PKHD1: variants seen among roughly 807,000 people sequenced by gnomAD.
PKHD1 encodes PKHD1 ciliary IPT domain containing fibrocystin/polyductin.
Under a neutral mutation model 412.0 loss-of-function variants are expected in PKHD1, and 291 were observed. That is an observed-to-expected ratio of 0.71 (90% CI 0.64 to 0.78). The LOEUF is 0.78. Ranked by LOEUF, PKHD1 falls within the 30% of genes least tolerant of loss-of-function variation. PKHD1 has a pLI of 0.00. For synonymous variants in PKHD1, 1,777 were observed against 1,821.5 expected (o/e 0.98, Z 0.62); for missense variants, 4,825 against 4,950.7 (o/e 0.97, Z 0.76).
intron 55 of PKHD1, among the ~76,000 whole-genome samples, chr6:51,765,036 C>T (rs1276261552): frequency 6.6e-6 from 1 of 152,086 alleles, no homozygotes; most frequent in Non-Finnish European, 1.5e-5. Context: ...GGCATCTACT[C>T]TTGGTGTCTC....
rs1301549254 is a variant in PKHD1, at chr6:52,059,913, G to A, written c.1233+15C>T. On this transcript the variant is annotated intron_variant, in intron 15 of 66. Coordinates refer to ENST00000371117, the MANE Select transcript of PKHD1 (RefSeq NM_138694.4). Reference sequence around the variant, plus strand: ...CTGGCAACAGAGAAAAGGAAAATGAGAAGACAGTGAATACCTTAGTCCTTG... The same window carrying A: ...CTGGCAACAGAGAAAAGGAAAATGAAAAGACAGTGAATACCTTAGTCCTTG... 2.5e-6 allele frequency: 3 copies of A among 1,208,752 alleles called. No homozygotes were observed. Among genetic ancestry groups the A allele is most frequent in the Non-Finnish European group, 3.7e-6 (3 of 809,382 alleles). The allele number at this position is 1,208,752 out of a possible 1,614,324, so 74.9% of individuals were successfully genotyped here. A position where few individuals can be genotyped will look rare whatever the true frequency, so the allele number is the denominator to read the frequency against.
chr6:51,761,104 T>A (rs1357257144), intron 55 of PKHD1, among the ~76,000 whole-genome samples: 1 of 152,126 alleles, frequency 6.6e-6, no homozygotes, highest in Non-Finnish European at 1.5e-5. Flanking sequence ...GAAATCAGTA[T>A]GTCTGAGATA....
At chr6:51,935,832 T>C (rs923783083) in intron 36 of PKHD1, among the ~76,000 whole-genome samples, 2 of 152,234 alleles carry the variant, frequency 1.3e-5, no homozygotes, top group African/African-American at 4.8e-5. Context: ...TTATCAAAAA[T>C]ATCGGAAATA....
At chr6:51,689,511 A>G (rs1038680588) in intron 60 of PKHD1, among the ~76,000 whole-genome samples, 6 of 152,212 alleles carry the variant, frequency 3.9e-5, no homozygotes, top group African/African-American at 1.4e-4. Context: ...TAGGCAAGAG[A>G]AAGAAATAAA....
At chr6:51,651,559 T>C (rs1770977039) in intron 61 of PKHD1, among the ~76,000 whole-genome samples, 1 of 152,148 alleles carries the variant, frequency 6.6e-6, no homozygotes, top group Non-Finnish European at 1.5e-5. Context: ...TGTCTTCTTC[T>C]GATAGGTCAA....
intron 35 of PKHD1, among the ~76,000 whole-genome samples, chr6:51,972,275 A>C (rs1793781260): frequency 6.6e-6 from 1 of 152,236 alleles, no homozygotes. Context: ...TTGACTAAAT[A>C]ACTTTTTCCT....
At position 52,046,079 on chromosome 6, in the gene PKHD1, A is replaced by C. The variant is rs757397281; in HGVS notation, c.2517T>G (p.Asp839Glu). Reference protein sequence around the residue: ...LNASDFTVKEDLYTCYEHVWT... With the variant: ...LNASDFTVKEELYTCYEHVWT... The stretch of plus-strand genomic sequence containing the variant: ...ACACGTGTTCGTAGCAAGTGTATAG[A>C]TCCTCCTTCACAGTGAAGTCACTGG... Residue 839 changes from aspartate (D) to glutamate (E), a missense_variant, in exon 24 of 67, where the codon GAT becomes GAG. Coordinates refer to ENST00000371117, the MANE Select transcript of PKHD1 (RefSeq NM_138694.4). 1.2e-6 allele frequency: 2 copies of C among 1,613,756 alleles called. No homozygotes were observed. The highest frequency in any genetic ancestry group is 1.7e-6 in the Non-Finnish European group (2 of 1,179,686).
intron 52 of PKHD1, among the ~76,000 whole-genome samples, chr6:51,821,105 G>T (rs551667380): frequency 5.7e-4 from 87 of 152,236 alleles, no homozygotes; most frequent in Admixed American, 2.6e-3. Flanking sequence ...CCCTTCTTTT[G>T]TAAGAAAGGC....
intron 43 of PKHD1, among the ~76,000 whole-genome samples, chr6:51,893,824 C>T (rs918734728): frequency 1.1e-4 from 16 of 152,312 alleles, no homozygotes; most frequent in African/African-American, 3.8e-4. Flanking sequence ...AGCTTGAGAA[C>T]TGAGGTTGGG....
chr6:51,973,207 G>A (rs777954742), intron 35 of PKHD1, among the ~76,000 whole-genome samples: 1 of 152,148 alleles, frequency 6.6e-6, no homozygotes, highest in Non-Finnish European at 1.5e-5. Flanking sequence ...TTTCACTGTT[G>A]ATGAAGAAGA....
At chr6:51,677,140 T>C (rs1027363647) in intron 60 of PKHD1, among the ~76,000 whole-genome samples, 2 of 152,184 alleles carry the variant, frequency 1.3e-5, no homozygotes, top group Non-Finnish European at 2.9e-5. Context: ...ATAATAGTTA[T>C]TATTACAAGT....
Position 52,025,851 on chromosome 6 carries a change from C to G in PKHD1, c.3959G>C (p.Gly1320Ala), listed in dbSNP as rs1235310911. 2 of 1,614,142 alleles carry G rather than the reference C, an allele frequency of 1.2e-6. No homozygotes were observed. Among genetic ancestry groups the G allele is most frequent in the Non-Finnish European group, 1.7e-6 (2 of 1,180,030 alleles). ...ITNSSLSLHVGGSNLSNSVIL... is the reference protein window; with the variant it reads ...ITNSSLSLHVAGSNLSNSVIL... The stretch of plus-strand genomic sequence containing the variant: ...GACTGAGTTGGAGAGGTTACTTCCT[C>G]CCACATGCAGGCTCAGGCTGCTATT... Residue 1320 changes from glycine (G) to alanine (A), a missense_variant, in exon 32 of 67, where the codon GGA becomes GCA. Gly to Ala is a moderately conservative substitution (Grantham distance 60). Coordinates refer to ENST00000371117, the MANE Select transcript of PKHD1 (RefSeq NM_138694.4).
At chr6:51,817,039 T>C (rs1765572297) in intron 52 of PKHD1, among the ~76,000 whole-genome samples, 1 of 151,072 alleles carries the variant, frequency 6.6e-6, no homozygotes, top group Non-Finnish European at 1.5e-5. Context: ...ATACAGGACG[T>C]TTTATCCGAG....
At position 51,906,201 on chromosome 6, in the gene PKHD1, CT is replaced by C. The variant is rs759602414; in HGVS notation, c.6808+13del. On this transcript the variant is annotated intron_variant, in intron 41 of 66. Transcript: ENST00000371117. ...CACAAGAATGCAGAAATTCAACAAG[CT>C]TGTTTTACTTACCAACTAGCAGCGC... 2 of 1,608,782 alleles carry C rather than the reference CT, an allele frequency of 1.2e-6. No homozygotes were observed. Among genetic ancestry groups the C allele is most frequent in the Middle Eastern group, 1.7e-4 (1 of 6,050 alleles).
intron 37 of PKHD1, among the ~76,000 whole-genome samples, chr6:51,923,563 T>G (rs1388164575): frequency 6.6e-6 from 1 of 151,254 alleles, no homozygotes; most frequent in Non-Finnish European, 1.5e-5. Flanking sequence ...GTAGGTAAAT[T>G]TTTATATAGT....
intron 52 of PKHD1, among the ~76,000 whole-genome samples, chr6:51,808,817 T>C (rs1476858135): frequency 1.3e-5 from 2 of 152,160 alleles, no homozygotes; most frequent in Admixed American, 6.6e-5. Context: ...TTCAGTATGA[T>C]GTTTCAATTT....
intron 43 of PKHD1, among the ~76,000 whole-genome samples, chr6:51,891,072 G>A (rs916877002): frequency 1.3e-5 from 2 of 152,162 alleles, no homozygotes; most frequent in Non-Finnish European, 2.9e-5. Context: ...ACAGCTCAGG[G>A]AGTTTTACTA....
At chr6:51,825,025 G>A (rs1353834786) in intron 52 of PKHD1, among the ~76,000 whole-genome samples, 1 of 152,194 alleles carries the variant, frequency 6.6e-6, no homozygotes, top group Non-Finnish European at 1.5e-5. Context: ...GTCTCCTGGT[G>A]TTCTGTAATT....
chr6:52,049,016 G>A (rs1015192804), intron 22 of PKHD1, among the ~76,000 whole-genome samples: 21 of 152,196 alleles, frequency 1.4e-4, no homozygotes, highest in African/African-American at 5.1e-4. Flanking sequence ...ATATGCCATT[G>A]CAGCATGCTG....
Sources: allele counts gnomAD v4.1 joint callset (sites outside exome capture counted in the v4.1 genomes callset), GRCh38; gene constraint gnomAD v4.1.1; transcripts MANE v1.5; gene names NCBI Gene and HGNC (gene_info 2026-07-23, HGNC 2026-07-21).